The following LHFPL6 variants were observed in gnomAD, a reference collection of about 807,000 sequenced individuals.
The protein encoded by LHFPL6 is LHFPL tetraspan subfamily member 6 protein.
LHFPL6 carries 9 observed loss-of-function variants against 20.6 expected under a neutral mutation model. The ratio of observed to expected loss-of-function variants is 0.44; its 90% confidence interval spans 0.26 to 0.76. The LOEUF (loss-of-function observed/expected upper bound fraction) is 0.76, where lower values mean the gene tolerates loss of function less well. Among genes scored for constraint, LHFPL6 ranks in the 30% least tolerant of loss-of-function variants. The pLI is 0.20. For missense variants in LHFPL6, 218 were observed against 253.5 expected (o/e 0.86, Z 0.95); for synonymous variants, 105 against 98.7 (o/e 1.06, Z -0.38).
intron 1 of LHFPL6, among the ~76,000 whole-genome samples, chr13:39,602,485 T>C (rs1055372378): frequency 6.6e-6 from 1 of 152,112 alleles, no homozygotes; most frequent in Admixed American, 6.5e-5. Flanking sequence ...GCCACGAGGC[T>C]GGGGAAGACC....
chr13:39,470,489 G>A (rs937842877), intron 2 of LHFPL6, among the ~76,000 whole-genome samples: 8 of 151,824 alleles, frequency 5.3e-5, no homozygotes, highest in African/African-American at 1.7e-4. Context: ...TATAAACACA[G>A]ACAAAAAATT....
intron 2 of LHFPL6, among the ~76,000 whole-genome samples, chr13:39,432,272 T>G (rs1871832797): frequency 6.6e-6 from 1 of 152,228 alleles, no homozygotes; most frequent in African/African-American, 2.4e-5. Flanking sequence ...AATACAGTCT[T>G]TTTAAACCAG....
intron 2 of LHFPL6, among the ~76,000 whole-genome samples, chr13:39,394,412 G>A (rs1870792173): frequency 6.6e-6 from 1 of 152,148 alleles, no homozygotes; most frequent in Admixed American, 6.5e-5. Flanking sequence ...TCAAACCTCA[G>A]CCCATAACAG....
At chr13:39,413,564 G>A (rs370217550) in intron 2 of LHFPL6, among the ~76,000 whole-genome samples, 10 of 146,450 alleles carry the variant, frequency 6.8e-5, no homozygotes, top group East Asian at 4.0e-4. Context: ...GACTACAGGC[G>A]TGTGTCATCA....
chr13:39,557,907 G>C (rs149458360), intron 2 of LHFPL6, among the ~76,000 whole-genome samples: 1 of 152,264 alleles, frequency 6.6e-6, no homozygotes, highest in East Asian at 1.9e-4. Flanking sequence ...GAGTCTTGGA[G>C]CTCCCCCTTT....
chr13:39,386,817 A>G (rs1307544839), intron 2 of LHFPL6, among the ~76,000 whole-genome samples: 1 of 152,150 alleles, frequency 6.6e-6, no homozygotes, highest in African/African-American at 2.4e-5. Flanking sequence ...GGGATCCCTG[A>G]CTTACTGCAC....
chr13:39,378,146 A>G (rs1870341936), intron 3 of LHFPL6, among the ~76,000 whole-genome samples: 1 of 152,246 alleles, frequency 6.6e-6, no homozygotes, highest in Non-Finnish European at 1.5e-5. Flanking sequence ...GGTAAAAAAT[A>G]CATGATTTTG....
intron 2 of LHFPL6, among the ~76,000 whole-genome samples, chr13:39,388,264 T>C (rs1427311656): frequency 6.6e-6 from 1 of 152,230 alleles, no homozygotes; most frequent in Non-Finnish European, 1.5e-5. Flanking sequence ...TCTTTTTTAA[T>C]TCATGTGACA....
At position 39,598,108 on chromosome 13, in the gene LHFPL6, C is replaced by G. The variant is rs1872822188; in HGVS notation, c.385+2724G>C. 2.0e-5 allele frequency among the ~76,000 whole-genome samples: 3 copies of G among 152,230 alleles called. No homozygotes were observed. The South Asian group carries it at 6.2e-4, about 31-fold the overall frequency. On this transcript the variant is annotated intron_variant, in intron 2 of 3. Transcript: ENST00000379589. Reference sequence around the variant, plus strand: ...CTGTATGTTGATTACATTTCTGAAGCATGGCAGTCTATGAGATTCATAGAA... The same window carrying G: ...CTGTATGTTGATTACATTTCTGAAGGATGGCAGTCTATGAGATTCATAGAA...
intron 2 of LHFPL6, among the ~76,000 whole-genome samples, chr13:39,582,690 G>A (rs1236962421): frequency 6.6e-6 from 1 of 152,164 alleles, no homozygotes; most frequent in African/African-American, 2.4e-5. Context: ...GACAGACGAT[G>A]ACCTTGTTCC....
chr13:39,418,961 A>G (rs1323937), intron 2 of LHFPL6, among the ~76,000 whole-genome samples: 146,038 of 152,324 alleles, frequency 0.96, 70,315 homozygotes, highest in East Asian at 1. Context: ...ATCAGAATAC[A>G]GATTCCACAG....
chr13:39,383,980 G>C (rs1207465195), intron 2 of LHFPL6, among the ~76,000 whole-genome samples: 1 of 152,108 alleles, frequency 6.6e-6, no homozygotes, highest in Non-Finnish European at 1.5e-5. Context: ...CAGCTTCTCT[G>C]ACCTTCACTT....
At chr13:39,595,672 G>A (rs986785678) in intron 2 of LHFPL6, among the ~76,000 whole-genome samples, 5 of 149,932 alleles carry the variant, frequency 3.3e-5, no homozygotes, top group Non-Finnish European at 5.9e-5. Flanking sequence ...TCTGAAGCTT[G>A]CTCCTTTATA....
intron 2 of LHFPL6, among the ~76,000 whole-genome samples, chr13:39,455,697 T>C (rs1295698088): frequency 6.6e-6 from 1 of 152,188 alleles, no homozygotes; most frequent in African/African-American, 2.4e-5. Context: ...ACAGTTAACG[T>C]AATGTATTTA....
intron 2 of LHFPL6, among the ~76,000 whole-genome samples, chr13:39,414,666 C>T (rs1871306716): frequency 6.6e-6 from 1 of 151,876 alleles, no homozygotes; most frequent in South Asian, 2.1e-4. Context: ...ATTTTTTTTG[C>T]CATTTGTGTT....
intron 2 of LHFPL6, among the ~76,000 whole-genome samples, chr13:39,441,548 TG>T (rs1349077429): frequency 6.6e-6 from 1 of 152,112 alleles, no homozygotes; most frequent in Non-Finnish European, 1.5e-5. Context: ...GGTCTCACTT[TG>T]TCACCCAGGC....
chr13:39,407,094 AC>A (rs1258749126), intron 2 of LHFPL6, among the ~76,000 whole-genome samples: 9 of 152,200 alleles, frequency 5.9e-5, no homozygotes, highest in Non-Finnish European at 1.2e-4. Context: ...GAATTTTGCA[AC>A]CCACATGAAG....
At chr13:39,435,332 A>AGTTGCCATT (rs1313291415) in intron 2 of LHFPL6, among the ~76,000 whole-genome samples, 2 of 152,160 alleles carry the variant, frequency 1.3e-5, no homozygotes, top group Non-Finnish European at 2.9e-5. Context: ...CCACATTGAC[A>AGTTGCCATT]GTTGCCATTG....
chr13:39,343,764 C>A lies in LHFPL6; in HGVS notation c.*172G>T. 1 of 576,278 alleles carries A rather than the reference C, an allele frequency of 1.7e-6. No individual in the cohort carries two copies. Among genetic ancestry groups the A allele is most frequent in the East Asian group, 2.7e-5 (1 of 37,176 alleles). The allele number at this position is 576,278 out of a possible 1,614,324, so 35.7% of individuals were successfully genotyped here. A position where few individuals can be genotyped will look rare whatever the true frequency, so the allele number is the denominator to read the frequency against. ...CTCTCCTTTTTTTTCCCCCACAAAT[C>A]TCCTACAATCCTTCCTTCCTATATC... On this transcript the variant is annotated 3_prime_UTR_variant, in exon 4 of 4. Coordinates refer to ENST00000379589, the MANE Select transcript of LHFPL6 (RefSeq NM_005780.3).
Sources: allele counts gnomAD v4.1 joint callset (sites outside exome capture counted in the v4.1 genomes callset), GRCh38; gene constraint gnomAD v4.1.1; transcripts MANE v1.5; gene names NCBI Gene and HGNC (gene_info 2026-07-23, HGNC 2026-07-21).